The following PFKFB4 variants were observed in gnomAD, a reference collection of about 807,000 sequenced individuals.
PFKFB4 encodes 6-phosphofructo-2-kinase/fructose-2,6-bisphosphatase 4.
PFKFB4 carries 42 observed loss-of-function variants against 62.8 expected under a neutral mutation model. The ratio of observed to expected loss-of-function variants is 0.67; its 90% CI spans 0.52 to 0.86. PFKFB4 has a LOEUF of 0.86. Ranked by LOEUF, PFKFB4 falls within the 40% of genes least tolerant of loss-of-function variation. The pLI is 0.00. For missense variants in PFKFB4, 475 were observed against 627.2 expected (o/e 0.76, Z 2.59); for synonymous variants, 204 against 240.7 (o/e 0.85, Z 1.41).
In PFKFB4 at chr3:48,523,502, GC is replaced by G. The variant is rs765611233; in HGVS notation, c.1285+34del. On this transcript the variant is annotated intron_variant, in intron 12 of 13. Transcript: ENST00000232375. Reference sequence around the variant, plus strand: ...AACTGTGCAGAGATCCAAGGTCATGGCTACCCATGGTCAATGTGCAGGAAGC... The same window carrying G: ...AACTGTGCAGAGATCCAAGGTCATGGTACCCATGGTCAATGTGCAGGAAGC... The G allele has an allele frequency of 3.1e-6, 5 of 1,593,000 alleles. 1 individual carries two copies. The highest frequency in any genetic ancestry group is 4.3e-6 in the Non-Finnish European group (5 of 1,160,966).
At chr3:48,561,502 C>G (rs1214872289), upstream of PFKFB4, 1 of 154,460 alleles carries the variant, frequency 6.5e-6, no homozygotes, top group Non-Finnish European at 1.4e-5. The surrounding 1 kb of genome is among the most constrained non-coding windows in gnomAD (Gnocchi z 5.2). Context: ...TGAAATCAGG[C>G]AAAACCTAGT....
chr3:48,535,116 C>T (rs1443735577), intron 9 of PFKFB4, among the ~76,000 whole-genome samples: 1 of 152,182 alleles, frequency 6.6e-6, no homozygotes, highest in East Asian at 1.9e-4. Context: ...GCGAGAACAG[C>T]ATCTTTAAAG....
At chr3:48,524,687 T>C (rs1385854651) in intron 10 of PFKFB4, among the ~76,000 whole-genome samples, 2 of 152,236 alleles carry the variant, frequency 1.3e-5, no homozygotes, top group African/African-American at 4.8e-5. Flanking sequence ...CCAAGAGCTA[T>C]ACTATCCTGA....
rs1444104297 is a variant in PFKFB4 at position 48,556,597 on chromosome 3, TCTC to T, written c.97+81_97+83del. ...GGTTCCCCATCTGTCTCCCGCCCCT[TCTC>T]CATGCGAGACCCCCGCCCAGGCCGC... On this transcript the variant is annotated intron_variant, in intron 1 of 13. Transcript: ENST00000232375. This position sits in a 1 kb window ranked among gnomAD's most constrained non-coding sequence, Gnocchi z 5.7. 18 of 1,428,942 alleles carry T rather than the reference TCTC, an allele frequency of 1.3e-5. No homozygotes were observed. 88.5% of individuals were successfully genotyped at this position (1,428,942 alleles called of 1,614,324 possible).
intron 12 of PFKFB4, among the ~76,000 whole-genome samples, chr3:48,522,306 G>A (rs961543701): frequency 3.3e-5 from 5 of 152,176 alleles, no homozygotes; most frequent in Non-Finnish European, 5.9e-5. Context: ...CCCCAGGACC[G>A]AGAGGGATCG....
At chr3:48,547,347 T>C (rs1459597066) in intron 3 of PFKFB4, among the ~76,000 whole-genome samples, 2 of 152,162 alleles carry the variant, frequency 1.3e-5, no homozygotes. Context: ...TGTCCGGATG[T>C]GTGCCTATGA....
At chr3:48,555,574 T>C (rs2043287644) in intron 1 of PFKFB4, among the ~76,000 whole-genome samples, 1 of 152,196 alleles carries the variant, frequency 6.6e-6, no homozygotes, top group South Asian at 2.1e-4. Context: ...ATGTTTCAGT[T>C]ACTCCTAAAA....
chr3:48,556,831 C>T (rs2107612357), upstream of PFKFB4: 2 of 1,540,092 alleles, frequency 1.3e-6, no homozygotes, highest in South Asian at 1.2e-5. The surrounding 1 kb of genome is among the most constrained non-coding windows in gnomAD (Gnocchi z 5.7). Flanking sequence ...AGCCGGGCCA[C>T]CTCGGGCCAC....
At chr3:48,522,792 G>A (rs919654008) in intron 12 of PFKFB4, among the ~76,000 whole-genome samples, 8 of 150,270 alleles carry the variant, frequency 5.3e-5, no homozygotes, top group East Asian at 2.0e-4. Flanking sequence ...ACAGGGTCTC[G>A]CTCTGTCGCC....
At chr3:48,544,441 CTTT>C (rs34817026) in intron 3 of PFKFB4, among the ~76,000 whole-genome samples, 1 of 100,366 alleles carries the variant, frequency 1.0e-5, no homozygotes. Context: ...GTTTTCAGAT[CTTT>C]TTTTTTTTTT....
At chr3:48,528,499 A>G (rs1206433841) in intron 9 of PFKFB4, among the ~76,000 whole-genome samples, 2 of 151,968 alleles carry the variant, frequency 1.3e-5, no homozygotes, top group African/African-American at 2.4e-5. Context: ...CCATCTCTAC[A>G]AACAAATACA....
At chr3:48,538,666 AG>A (rs904836084) in intron 6 of PFKFB4, 47 bp from the exon 7 acceptor site, 19 of 1,612,262 alleles carry the variant, frequency 1.2e-5, no homozygotes, top group Non-Finnish European at 1.4e-5. Flanking sequence ...GTCAGGAGCC[AG>A]GCGGGGCCAG....
intron 1 of PFKFB4, among the ~76,000 whole-genome samples, chr3:48,551,947 A>G (rs938318664): frequency 1.4e-4 from 21 of 152,194 alleles, no homozygotes; most frequent in African/African-American, 4.8e-4. Flanking sequence ...GCAGACAGGC[A>G]GATGAACAGA....
At chr3:48,536,202 C>T in intron 8 of PFKFB4, 54 bp downstream of exon 8, 2 of 1,489,028 alleles carry the variant, frequency 1.3e-6, no homozygotes, top group Non-Finnish European at 1.9e-6. Context: ...TATACCCAGC[C>T]ACGCAGGGTA....
chr3:48,547,535 C>T (rs1049210728), intron 3 of PFKFB4, among the ~76,000 whole-genome samples: 2 of 152,152 alleles, frequency 1.3e-5, no homozygotes, highest in African/African-American at 4.8e-5. Flanking sequence ...AGCACAGAGA[C>T]GCAATCTTGG....
At chr3:48,530,247 G>A (rs1324076640) in intron 9 of PFKFB4, among the ~76,000 whole-genome samples, 1 of 151,636 alleles carries the variant, frequency 6.6e-6, no homozygotes, top group Admixed American at 6.6e-5. Context: ...AGTGAGATTT[G>A]GTCTCAAAAA....
In PFKFB4 at chr3:48,521,889, G is replaced by A; in HGVS notation, c.1350+97C>T. The A allele has an allele frequency of 2.0e-6, 2 of 1,010,060 alleles. No homozygotes were observed. Among genetic ancestry groups the A allele is most frequent in the Non-Finnish European group, 1.6e-6 (1 of 631,458 alleles). 62.6% of individuals were successfully genotyped at this position (1,010,060 alleles called of 1,614,324 possible). A position where few individuals can be genotyped will look rare whatever the true frequency, so the allele number is the denominator to read the frequency against. On this transcript the variant is annotated intron_variant, in intron 13 of 13. Transcript: ENST00000232375. The surrounding 1 kb of genome is among the most constrained non-coding windows in gnomAD (Gnocchi z 5.3). The stretch of plus-strand genomic sequence containing the variant: ...TGGCAGAAGACTCAAGCTCCCTCTG[G>A]CAGGTGCCGCAGCTGGGCCTGGCCC...
intron 8 of PFKFB4, 45 bp from the exon 9 acceptor site, chr3:48,535,703 G>T (rs1218011782): frequency 8.1e-6 from 13 of 1,609,684 alleles, no homozygotes; most frequent in Non-Finnish European, 1.1e-5. Context: ...GTCTTGGGCT[G>T]CCCTTAAAGC....
rs770681632 is a variant in PFKFB4, at chr3:48,539,283, C to T, written c.481G>A (p.Asp161Asn). Reference sequence around the variant, plus strand: ...ATGTTGGCAGCTATGACCTCAGGATCCACACAGATGGACTCGACAAAAAAG... The same window carrying T: ...ATGTTGGCAGCTATGACCTCAGGATTCACACAGATGGACTCGACAAAAAAG... ...KTFFVESICV[D>N]PEVIAANIVQ... Residue 161 changes from aspartate (D) to asparagine (N), a missense_variant, in exon 6 of 14, where the codon GAT becomes AAT. By Grantham distance (23) the Asp-to-Asn change is conservative. Transcript: ENST00000232375. 6.2e-7 allele frequency: 1 copy of T among 1,614,072 alleles called. No individual in the cohort carries two copies. The highest frequency in any genetic ancestry group is 1.1e-5 in the South Asian group (1 of 91,056).
Sources: gnomAD v4.1 joint callset for allele counts (sites outside exome capture counted in the v4.1 genomes callset) on GRCh38, gnomAD v4.1.1 for gene constraint, Gnocchi (gnomAD v3.1) non-coding constraint, MANE v1.5 for transcripts, NCBI Gene and HGNC (gene_info 2026-07-23, HGNC 2026-07-21) for gene names.